Variants in OIT3 observed in about 807,000 individuals in gnomAD.
OIT3 encodes oncoprotein induced transcript 3.
OIT3 carries 41 observed loss-of-function variants against 52.2 expected under a neutral mutation model. The ratio of observed to expected loss-of-function variants is 0.79; its 90% CI spans 0.61 to 1.02. The LOEUF is 1.02. OIT3 is among the 50% of genes least tolerant of loss of function. OIT3 has a pLI of 0.00. For missense variants in OIT3, 634 were observed against 715.5 expected, an observed-to-expected ratio of 0.89 and a Z score of 1.30; for synonymous variants, 244 against 276.9, an observed-to-expected ratio of 0.88 and a Z score of 1.18.
Position 72,930,553 on chromosome 10 carries a change from C to G in OIT3, c.1383C>G (p.Asp461Glu). 1.2e-6 allele frequency: 2 copies of G among 1,612,742 alleles called. No individual in the cohort carries two copies. Among genetic ancestry groups the G allele is most frequent in the South Asian group, 1.1e-5 (1 of 90,976 alleles). The change falls in exon 8 of 9, where the codon GAC becomes GAG. Residue 461 changes from aspartate (D) to glutamate (E), a missense_variant. Asp to Glu is a conservative substitution (Grantham distance 45). Coordinates refer to ENST00000334011, the MANE Select transcript of OIT3 (RefSeq NM_152635.3). ...YLIRDGCVSDDSVKQYTSRDH... is the reference protein window; with the variant it reads ...YLIRDGCVSDESVKQYTSRDH... Reference sequence around the variant, plus strand: ...CTACTTTCAGCTGTGTTTCAGATGACTCGGTAAAGCAGTACACATCCCGGG... The same window carrying G: ...CTACTTTCAGCTGTGTTTCAGATGAGTCGGTAAAGCAGTACACATCCCGGG...
At chr10:72,921,337 G>GAATC (rs1846119565) in intron 6 of OIT3, among the ~76,000 whole-genome samples, 1 of 152,182 alleles carries the variant, frequency 6.6e-6, no homozygotes, top group Non-Finnish European at 1.5e-5. Flanking sequence ...TGGATCTCTT[G>GAATC]AAGACAGCAT....
chr10:72,918,629 G>T, intron 6 of OIT3: 1 of 678,398 alleles, frequency 1.5e-6, no homozygotes, highest in South Asian at 1.6e-5. Context: ...ATCACACCAG[G>T]GTACACTTAA....
At chr10:72,898,420 CTG>C (rs1317338750) in intron 1 of OIT3, among the ~76,000 whole-genome samples, 2 of 152,190 alleles carry the variant, frequency 1.3e-5, no homozygotes, top group Non-Finnish European at 2.9e-5. Context: ...AATAATTACT[CTG>C]GATAAAAATT....
chr10:72,907,905 CT>C (rs909264192), intron 4 of OIT3, among the ~76,000 whole-genome samples: 3 of 151,954 alleles, frequency 2.0e-5, no homozygotes, highest in Admixed American at 6.6e-5. Context: ...GATAATATCC[CT>C]TCTCTAAGGC....
At chr10:72,921,781 C>T (rs1846124032) in intron 6 of OIT3, among the ~76,000 whole-genome samples, 1 of 151,282 alleles carries the variant, frequency 6.6e-6, no homozygotes, top group African/African-American at 2.4e-5. Flanking sequence ...AAGCGATTCT[C>T]TTGCCTCAGC....
Position 72,924,618 on chromosome 10 carries a change from C to T in OIT3, c.1341C>T (p.Val447=). 1 of 1,612,568 alleles carries T rather than the reference C, an allele frequency of 6.2e-7. No homozygotes were observed. Among genetic ancestry groups the T allele is most frequent in the Non-Finnish European group, 8.5e-7 (1 of 1,179,036 alleles). ...CCCCCACCTCCAAGATCGACGAGGT[C>T]CTGAAATACTACCTCATCCGGGATG... ...FATPTSKIDE[V]LKYYLIRDGC... Residue 447 remains valine, a synonymous_variant, in exon 7 of 9, where the codon GTC becomes GTT. Transcript: ENST00000334011.
At chr10:72,906,109 T>C (rs747191766) in intron 3 of OIT3, among the ~76,000 whole-genome samples, 2 of 152,228 alleles carry the variant, frequency 1.3e-5, no homozygotes, top group Admixed American at 6.5e-5. Context: ...AGTGAGAATA[T>C]ACTAATTTAA....
intron 3 of OIT3, among the ~76,000 whole-genome samples, chr10:72,903,753 G>A (rs1564590449): frequency 6.6e-6 from 1 of 152,142 alleles, no homozygotes; most frequent in East Asian, 1.9e-4. Flanking sequence ...CTTACCCAAT[G>A]TGTGAGATTT....
Position 72,922,651 on chromosome 10 carries a change from G to A in OIT3, c.952-1578G>A, listed in dbSNP as rs554667041. ...ATGCTCCTTTAGCTCAGCGAAGTTC[G>A]TTTTTATCCACATTCTGAGATCTAC... On this transcript the variant is annotated intron_variant, in intron 6 of 8. Coordinates refer to ENST00000334011, the MANE Select transcript of OIT3 (RefSeq NM_152635.3). Among the ~76,000 whole-genome samples, 24 of 152,082 alleles carry A rather than the reference G, an allele frequency of 1.6e-4. No homozygotes were observed. In the South Asian group the frequency reaches 3.1e-3, roughly 20 times the overall value.
At chr10:72,922,488 A>G (rs1476357094) in intron 6 of OIT3, among the ~76,000 whole-genome samples, 2 of 151,684 alleles carry the variant, frequency 1.3e-5, no homozygotes, top group Non-Finnish European at 2.9e-5. Flanking sequence ...AATACTTGCA[A>G]TTGCATTATG....
chr10:72,927,639 A>G (rs1846181101), intron 7 of OIT3, among the ~76,000 whole-genome samples: 1 of 152,190 alleles, frequency 6.6e-6, no homozygotes, highest in African/African-American at 2.4e-5. Flanking sequence ...TGATGTGTGC[A>G]AGATCCTCCA....
intron 3 of OIT3, 93 bp downstream of exon 3, chr10:72,900,577 T>C: frequency 1.4e-6 from 1 of 689,980 alleles, no homozygotes; most frequent in Non-Finnish European, 2.5e-6. Context: ...ATTTTCCCAG[T>C]GTGTGTCTCC....
At chr10:72,895,259 G>A (rs746750961) in intron 1 of OIT3, among the ~76,000 whole-genome samples, 2 of 152,016 alleles carry the variant, frequency 1.3e-5, no homozygotes, top group African/African-American at 2.4e-5. Flanking sequence ...CCCAAGGGTC[G>A]CTCAGAAAGT....
chr10:72,896,812 G>A lies in OIT3; in HGVS notation c.62-1852G>A, dbSNP rs540105252. On this transcript the variant is annotated intron_variant, in intron 1 of 8. Transcript: ENST00000334011. ...ATTTCCTGCCTATGATATCAGTTACGTAAGTCAACCTCATGTGCATTAAGA... is the reference window on the plus strand; with the variant it reads ...ATTTCCTGCCTATGATATCAGTTACATAAGTCAACCTCATGTGCATTAAGA... Among the ~76,000 whole-genome samples, 59 of 152,212 alleles carry A rather than the reference G, an allele frequency of 3.9e-4. No individual in the cohort carries two copies. The South Asian group carries it at 0.011, about 29-fold the overall frequency.
chr10:72,924,088 C>T, intron 6 of OIT3, 141 bp from the exon 7 acceptor site: 1 of 729,094 alleles, frequency 1.4e-6, no homozygotes, highest in Admixed American at 2.9e-5. Context: ...GAAAAAAAAA[C>T]AAAACAAAAC....
intron 4 of OIT3, among the ~76,000 whole-genome samples, chr10:72,909,570 G>C (rs1846012066): frequency 6.6e-6 from 1 of 151,700 alleles, no homozygotes; most frequent in Non-Finnish European, 1.5e-5. Context: ...AATTTTTATT[G>C]TTTTGTTTTA....
rs1227921825 is a variant in OIT3 at position 72,908,160 on chromosome 10, T to C, written c.667+1442T>C. Among the ~76,000 whole-genome samples, 3 of 152,078 alleles carry C rather than the reference T, an allele frequency of 2.0e-5. No homozygotes were observed. The East Asian group carries it at 5.8e-4, about 29-fold the overall frequency. On this transcript the variant is annotated intron_variant, in intron 4 of 8. Transcript: ENST00000334011. Reference sequence around the variant, plus strand: ...CAGGTGGCTGAGGCACAAGAATCACTTGAACCTGGGAGGTGGAGGTTGCAG... The same window carrying C: ...CAGGTGGCTGAGGCACAAGAATCACCTGAACCTGGGAGGTGGAGGTTGCAG...
Position 72,924,237 on chromosome 10 carries a change from T to A in OIT3, c.960T>A (p.Asn320Lys). The change falls in exon 7 of 9, where the codon AAT becomes AAA. Residue 320 changes from asparagine to lysine, a missense_variant. Transcript: ENST00000334011. ...KTCGTVVDVV[N>K]DKIVASNLVT... ...ACCCTGGCCTGGCTCAGGTGGTGAATGACAAGATTGTGGCCAGCAACCTCG... is the reference window on the plus strand; with the variant it reads ...ACCCTGGCCTGGCTCAGGTGGTGAAAGACAAGATTGTGGCCAGCAACCTCG... The A allele has an allele frequency of 6.3e-7, 1 of 1,592,762 alleles. No individual in the cohort carries two copies. Among genetic ancestry groups the A allele is most frequent in the Non-Finnish European group, 8.6e-7 (1 of 1,165,700 alleles).
At chr10:72,905,875 C>T (rs1194401027) in intron 3 of OIT3, among the ~76,000 whole-genome samples, 1 of 152,188 alleles carries the variant, frequency 6.6e-6, no homozygotes, top group Non-Finnish European at 1.5e-5. Flanking sequence ...GGGCCAAGGT[C>T]ATGCCTCCTG....
Sources: gnomAD v4.1 joint callset for allele counts (sites outside exome capture counted in the v4.1 genomes callset) on GRCh38, gnomAD v4.1.1 for gene constraint, MANE v1.5 for transcripts, NCBI Gene and HGNC (gene_info 2026-07-23, HGNC 2026-07-21) for gene names.